The following EPHA5 variants were observed in gnomAD, a reference collection of about 807,000 sequenced individuals.
The protein encoded by EPHA5 is ephrin type-A receptor 5.
Under a neutral mutation model 105.0 loss-of-function variants are expected in EPHA5, and 60 were observed. That is an observed-to-expected ratio of 0.57 (90% confidence interval 0.46 to 0.71). The LOEUF (loss-of-function observed/expected upper bound fraction) is 0.71. Among genes scored for constraint, EPHA5 ranks in the 30% least tolerant of loss-of-function variants. The pLI is 0.00. For missense variants in EPHA5, 1,218 were observed against 1,274.7 expected, an observed-to-expected ratio of 0.96 and a Z score of 0.68; for synonymous variants, 513 against 449.1, an observed-to-expected ratio of 1.14 and a Z score of -1.80.
intron 1 of EPHA5, among the ~76,000 whole-genome samples, chr4:65,668,850 C>T (rs1044547172): frequency 5.3e-5 from 8 of 151,982 alleles, no homozygotes; most frequent in African/African-American, 1.9e-4. Flanking sequence ...CACTCCCCCT[C>T]ACCCCTCCTG....
Position 65,336,137 on chromosome 4 carries a change from A to C in EPHA5, c.2596-12T>G. The C allele has an allele frequency of 6.3e-7, 1 of 1,580,750 alleles. No homozygotes were observed. Among genetic ancestry groups the C allele is most frequent in the Non-Finnish European group, 8.6e-7 (1 of 1,162,664 alleles). ...ACCGCTTTAATCACCTGTATAAAGC[A>C]AAACAGAACCAGCACCCCAACACCA... is the stretch of plus-strand genomic sequence containing the variant. On this transcript the variant is annotated splice_polypyrimidine_tract_variant and intron_variant, in intron 14 of 16. Transcript: ENST00000613740.
chr4:65,388,334 G>A (rs995062482), intron 8 of EPHA5, among the ~76,000 whole-genome samples: 6 of 151,896 alleles, frequency 4.0e-5, no homozygotes, highest in African/African-American at 1.2e-4. Context: ...TATATACCCA[G>A]TAATGGGATG....
intron 3 of EPHA5, among the ~76,000 whole-genome samples, chr4:65,529,322 T>C (rs960362694): frequency 1.3e-5 from 2 of 152,176 alleles, no homozygotes; most frequent in African/African-American, 4.8e-5. Context: ...AATTAATGAT[T>C]ATGCTGATCT....
chr4:65,566,637 C>A (rs190472065), intron 3 of EPHA5, among the ~76,000 whole-genome samples: 1 of 151,806 alleles, frequency 6.6e-6, no homozygotes, highest in East Asian at 1.9e-4. Context: ...AGGCACTGAG[C>A]GTATGAGCTT....
chr4:65,402,862 A>G (rs1291541947), intron 8 of EPHA5, among the ~76,000 whole-genome samples: 2 of 152,108 alleles, frequency 1.3e-5, no homozygotes, highest in Non-Finnish European at 2.9e-5. Flanking sequence ...TCAAAATCTG[A>G]CAAGACCGAT....
intron 3 of EPHA5, among the ~76,000 whole-genome samples, chr4:65,570,832 ATAGT>A (rs1465343896): frequency 6.6e-6 from 1 of 152,048 alleles, no homozygotes; most frequent in African/African-American, 2.4e-5. Context: ...ATCTTAATAT[ATAGT>A]TAATTTATCA....
chr4:65,509,276 A>C (rs557996183), intron 3 of EPHA5, among the ~76,000 whole-genome samples: 32 of 152,272 alleles, frequency 2.1e-4, no homozygotes, highest in African/African-American at 7.5e-4. Context: ...CAACCAGGTA[A>C]ACTCTCAAAT....
At chr4:65,558,555 A>T (rs754246174) in intron 3 of EPHA5, among the ~76,000 whole-genome samples, 28 of 151,984 alleles carry the variant, frequency 1.8e-4, no homozygotes, top group Non-Finnish European at 1.3e-4. Context: ...ATTTCTTTTT[A>T]ATTATACTTT....
chr4:65,330,014 A>G (rs1720441930), intron 16 of EPHA5, among the ~76,000 whole-genome samples: 1 of 151,416 alleles, frequency 6.6e-6, no homozygotes, highest in Non-Finnish European at 1.5e-5. Context: ...AGTTGCCCCA[A>G]AAACCAGCTT....
At chr4:65,647,834 G>C (rs1285262292) in intron 1 of EPHA5, among the ~76,000 whole-genome samples, 1 of 152,058 alleles carries the variant, frequency 6.6e-6, no homozygotes, top group Non-Finnish European at 1.5e-5. Flanking sequence ...GATTATCCAG[G>C]AGAAATAACT....
At chr4:65,519,038 T>C (rs892295614) in intron 3 of EPHA5, among the ~76,000 whole-genome samples, 1 of 152,034 alleles carries the variant, frequency 6.6e-6, no homozygotes, top group Non-Finnish European at 1.5e-5. Flanking sequence ...ACCAATATCC[T>C]TGATGAACAT....
intron 16 of EPHA5, chr4:65,330,988 A>G (rs2167325): frequency 0.98 from 1,025,523 of 1,044,404 alleles, 505,036 homozygotes; most frequent in Non-Finnish European, 1. Context: ...GGGAGGAACA[A>G]TGAATTCAAT....
At chr4:65,606,708 T>C (rs762733655) in intron 2 of EPHA5, among the ~76,000 whole-genome samples, 9 of 152,224 alleles carry the variant, frequency 5.9e-5, no homozygotes, top group Non-Finnish European at 1.2e-4. Flanking sequence ...TAAGTTTTTA[T>C]TTTGTCACTC....
chr4:65,425,512 A>G (rs921563115), intron 5 of EPHA5, among the ~76,000 whole-genome samples: 2 of 152,090 alleles, frequency 1.3e-5, no homozygotes, highest in East Asian at 3.9e-4. Context: ...AAGATTCTGT[A>G]TTTTCAGTAA....
chr4:65,524,936 T>C (rs1344226756), intron 3 of EPHA5, among the ~76,000 whole-genome samples: 1 of 151,888 alleles, frequency 6.6e-6, no homozygotes, highest in East Asian at 1.9e-4. Flanking sequence ...AAGAAAGATC[T>C]GCTCTGTTCC....
chr4:65,577,491 G>A (rs2149390980), intron 3 of EPHA5, among the ~76,000 whole-genome samples: 1 of 152,064 alleles, frequency 6.6e-6, no homozygotes, highest in Middle Eastern at 3.4e-3. Context: ...CATTTGTTGA[G>A]GCTTATAAGT....
chr4:65,491,164 A>T (rs1221520903), intron 4 of EPHA5, among the ~76,000 whole-genome samples: 2 of 151,600 alleles, frequency 1.3e-5, no homozygotes, highest in African/African-American at 4.8e-5. Flanking sequence ...GTAGCTCCTG[A>T]CTACAAATGT....
At chr4:65,357,569 C>T (rs1356106952) in intron 11 of EPHA5, among the ~76,000 whole-genome samples, 1 of 151,286 alleles carries the variant, frequency 6.6e-6, no homozygotes, top group Non-Finnish European at 1.5e-5. Context: ...ATGATCCAAG[C>T]AGTGTATTGT....
intron 3 of EPHA5, among the ~76,000 whole-genome samples, chr4:65,597,441 T>G (rs983935707): frequency 5.6e-5 from 7 of 123,962 alleles, no homozygotes; most frequent in African/African-American, 1.9e-4. Context: ...AATGTGTTTT[T>G]GCTAACCATT....
Sources: allele counts gnomAD v4.1 joint callset (sites outside exome capture counted in the v4.1 genomes callset), GRCh38; gene constraint gnomAD v4.1.1; transcripts MANE v1.5; gene names NCBI Gene and HGNC (gene_info 2026-07-23, HGNC 2026-07-21).